Variants in COL25A1 observed in about 807,000 individuals in gnomAD.
COL25A1 encodes the protein collagen type XXV alpha 1 chain, also known as collagen alpha-1(XXV) chain.
A neutral mutation model predicts 128.4 loss-of-function variants in COL25A1; 103 were observed. That is an observed-to-expected ratio of 0.80 (90% CI 0.68 to 0.94). COL25A1 has a LOEUF of 0.94. Among genes scored for constraint, COL25A1 ranks in the 40% least tolerant of loss-of-function variants. The pLI is 0.00. For synonymous variants in COL25A1, 279 were observed against 277.2 expected (o/e 1.01, Z -0.06); for missense variants, 745 against 840.0 (o/e 0.89, Z 1.40).
At chr4:109,053,550 G>T (rs889904372) in intron 3 of COL25A1, among the ~76,000 whole-genome samples, 1 of 152,114 alleles carries the variant, frequency 6.6e-6, no homozygotes, top group Non-Finnish European at 1.5e-5. Flanking sequence ...GAAGTAGCTG[G>T]AATACCCTTC....
intron 24 of COL25A1, among the ~76,000 whole-genome samples, chr4:108,858,191 A>AG (rs1042021425): frequency 6.6e-6 from 1 of 152,102 alleles, no homozygotes; most frequent in African/African-American, 2.4e-5. Context: ...AACAGACAGT[A>AG]GGGGGGTCAT....
chr4:109,171,216 C>G (rs1773553308), intron 3 of COL25A1, among the ~76,000 whole-genome samples: 1 of 152,162 alleles, frequency 6.6e-6, no homozygotes, highest in South Asian at 2.1e-4. Context: ...AGTGCTGGGA[C>G]TCTTATCCCA....
intron 3 of COL25A1, among the ~76,000 whole-genome samples, chr4:109,213,539 G>A (rs1221979946): frequency 6.6e-6 from 1 of 152,124 alleles, no homozygotes; most frequent in Non-Finnish European, 1.5e-5. Context: ...CATGTGGGGA[G>A]GAACTGAGAA....
At chr4:109,180,111 A>G (rs1774487020) in intron 3 of COL25A1, among the ~76,000 whole-genome samples, 1 of 152,164 alleles carries the variant, frequency 6.6e-6, no homozygotes, top group South Asian at 2.1e-4. Context: ...GCATGTGTTT[A>G]TTATCTTGCT....
intron 27 of COL25A1, 127 bp downstream of exon 27, chr4:108,848,632 A>G: frequency 1.5e-6 from 1 of 678,860 alleles, no homozygotes; most frequent in South Asian, 1.9e-5. Context: ...TGAAGTCTCT[A>G]GAACAAATGG....
chr4:108,847,185 C>A (rs143902806), intron 27 of COL25A1, among the ~76,000 whole-genome samples: 9,108 of 152,074 alleles, frequency 0.06, 388 homozygotes, highest in East Asian at 0.19. Flanking sequence ...GGATTACAGG[C>A]GTGAGCCACC....
intron 5 of COL25A1, among the ~76,000 whole-genome samples, chr4:109,020,409 C>T (rs1015096908): frequency 1.3e-5 from 2 of 150,580 alleles, no homozygotes; most frequent in African/African-American, 4.9e-5. Flanking sequence ...TATTCTACTC[C>T]AGAGGAAAAT....
At chr4:109,142,422 G>A (rs1160062540) in intron 3 of COL25A1, among the ~76,000 whole-genome samples, 2 of 152,176 alleles carry the variant, frequency 1.3e-5, no homozygotes, top group African/African-American at 2.4e-5. Context: ...TTCTGTAGAT[G>A]TCTATTAGGT....
rs575844117 is a variant in COL25A1 at position 109,193,564 on chromosome 4, T to C, written c.367+107019A>G. On this transcript the variant is annotated intron_variant, in intron 3 of 37. Coordinates refer to ENST00000399132, the MANE Select transcript of COL25A1 (RefSeq NM_198721.4). The stretch of plus-strand genomic sequence containing the variant: ...GAAGAGACAGAGACTGAGAAAGGAA[T>C]GGTCAATAACCACAAAAACCATCTG... Among the ~76,000 whole-genome samples the C allele has an allele frequency of 2.0e-5, 3 of 152,248 alleles. No individual in the cohort carries two copies. In the East Asian group the frequency reaches 5.8e-4, roughly 29 times the overall value.
intron 3 of COL25A1, among the ~76,000 whole-genome samples, chr4:109,104,513 A>G (rs752352795): frequency 2.6e-5 from 4 of 152,200 alleles, no homozygotes; most frequent in South Asian, 2.1e-4. Context: ...GACATGATGT[A>G]TCTCCTAACA....
rs1579326936 is a variant in COL25A1, at chr4:109,088,760, A to G, written c.368-38581T>C. On this transcript the variant is annotated intron_variant, in intron 3 of 37. Transcript: ENST00000399132. ...AAGACATACTCTTCTCTGCGGGGCC[A>G]CATGTAACCATTGAAGTTGGCAACA... 3.3e-5 allele frequency among the ~76,000 whole-genome samples: 5 copies of G among 152,330 alleles called. No individual in the cohort carries two copies. In the South Asian group the frequency reaches 8.3e-4, roughly 25 times the overall value.
intron 3 of COL25A1, among the ~76,000 whole-genome samples, chr4:109,235,291 A>C (rs1779399640): frequency 6.6e-6 from 1 of 152,136 alleles, no homozygotes; most frequent in African/African-American, 2.4e-5. Context: ...ACTGACAAAA[A>C]ATTGTAAGCA....
intron 6 of COL25A1, among the ~76,000 whole-genome samples, chr4:108,988,683 G>A (rs754275579): frequency 2.0e-5 from 3 of 152,002 alleles, no homozygotes; most frequent in African/African-American, 7.3e-5. Context: ...TTTCAATAAC[G>A]AGTCACTCCT....
intron 6 of COL25A1, among the ~76,000 whole-genome samples, chr4:109,003,477 A>G (rs1755653705): frequency 6.6e-6 from 1 of 152,238 alleles, no homozygotes; most frequent in Non-Finnish European, 1.5e-5. Context: ...ATTTAGCCTT[A>G]CCCTTAAATA....
At position 109,301,957 on chromosome 4, in the gene COL25A1, G is replaced by T. The variant is rs367728430; in HGVS notation, c.63C>A (p.Thr21=). 101 of 1,612,272 alleles carry T rather than the reference G, an allele frequency of 6.3e-5. No individual in the cohort carries two copies. The highest frequency in any genetic ancestry group is 8.1e-5 in the Non-Finnish European group (96 of 1,179,506). The change falls in exon 2 of 38, where the codon ACC becomes ACA. Residue 21 remains threonine, a synonymous_variant. Transcript: ENST00000399132. The part of the protein sequence containing the change: ...GGREPRSEDP[T]PAEQHCARTM... ...TCCGGGCACAATGCTGTTCGGCAGG[G>T]GTCGGGTCCTCGGATCTGGGCTCCC...
chr4:109,266,399 C>A (rs185247003), intron 3 of COL25A1, among the ~76,000 whole-genome samples: 9 of 152,292 alleles, frequency 5.9e-5, no homozygotes, highest in Admixed American at 5.9e-4. Flanking sequence ...CTTCACATGA[C>A]AATGGAGCGA....
chr4:108,822,922 T>C (rs575306251), intron 35 of COL25A1, among the ~76,000 whole-genome samples: 15 of 152,326 alleles, frequency 9.8e-5, no homozygotes, highest in African/African-American at 3.6e-4. Flanking sequence ...ACTTATCATA[T>C]GTATAGCTCT....
chr4:109,289,571 G>C (rs892501975), intron 3 of COL25A1, among the ~76,000 whole-genome samples: 14 of 152,064 alleles, frequency 9.2e-5, no homozygotes, highest in African/African-American at 3.4e-4. Flanking sequence ...TATCACCCAG[G>C]AAAGGTCTAG....
At chr4:109,104,716 C>T (rs1002621603) in intron 3 of COL25A1, among the ~76,000 whole-genome samples, 2 of 151,144 alleles carry the variant, frequency 1.3e-5, no homozygotes, top group Non-Finnish European at 3.0e-5. Context: ...ATTTCTTCAA[C>T]AACAGAAAAA....
Sources: allele counts gnomAD v4.1 joint callset (sites outside exome capture counted in the v4.1 genomes callset), GRCh38; gene constraint gnomAD v4.1.1; transcripts MANE v1.5; gene names NCBI Gene and HGNC (gene_info 2026-07-23, HGNC 2026-07-21).